Variants in XKR7 observed in about 807,000 individuals in gnomAD.
The protein encoded by XKR7 is XK-related protein 7.
In XKR7, 11 loss-of-function variants were observed where a neutral mutation model predicts 42.2. That is an observed-to-expected ratio of 0.26 (90% confidence interval 0.16 to 0.43). XKR7 has a LOEUF of 0.43. XKR7 is among the 20% of genes least tolerant of loss of function. The pLI is 1.00. For synonymous variants in XKR7, 346 were observed against 366.4 expected, an observed-to-expected ratio of 0.94 and a Z score of 0.64; for missense variants, 710 against 802.2, an observed-to-expected ratio of 0.89 and a Z score of 1.39.
intron 1 of XKR7, among the ~76,000 whole-genome samples, chr20:31,973,711 T>G (rs2064473876): frequency 6.7e-6 from 1 of 150,302 alleles, no homozygotes; most frequent in Non-Finnish European, 1.5e-5. Flanking sequence ...AGAAATAGAG[T>G]GAGGGGAGCA....
rs563306204 is a variant in XKR7 at position 31,999,829 on chromosome 20, C to T, written c.*2372C>T. On this transcript the variant is annotated 3_prime_UTR_variant, in exon 3 of 3. Transcript: ENST00000562532. ...GTCACCCTTGGCAAGTTATTCTCCT[C>T]CCCAGTATCCCAGAATGGCCCATCT... is the stretch of plus-strand genomic sequence containing the variant. 6.6e-6 allele frequency: 1 copy of T among 152,338 alleles called. No homozygotes were observed. The highest frequency in any genetic ancestry group is 2.1e-4 in the South Asian group (1 of 4,820). The allele number at this position is 152,338 out of a possible 1,614,324, so 9.4% of individuals were successfully genotyped here. A position where few individuals can be genotyped will look rare whatever the true frequency, so the allele number is the denominator to read the frequency against.
chr20:31,982,274 A>G (rs927047492), intron 1 of XKR7, among the ~76,000 whole-genome samples: 11 of 152,016 alleles, frequency 7.2e-5, no homozygotes, highest in Non-Finnish European at 1.6e-4. Flanking sequence ...TAATCCCAGT[A>G]GTTTGGGAGG....
intron 1 of XKR7, among the ~76,000 whole-genome samples, chr20:31,974,148 G>C (rs1054362212): frequency 6.6e-6 from 1 of 152,068 alleles, no homozygotes; most frequent in Non-Finnish European, 1.5e-5. Context: ...AGCCGAGAGT[G>C]AGCCACTGCA....
At chr20:31,983,164 C>T (rs1386744987) in intron 1 of XKR7, among the ~76,000 whole-genome samples, 1 of 152,210 alleles carries the variant, frequency 6.6e-6, no homozygotes, top group Non-Finnish European at 1.5e-5. Flanking sequence ...CATTCATTCA[C>T]TCACTCAACA....
Position 31,997,130 on chromosome 20 carries a change from T to TC in XKR7, c.1419dup (p.Arg474GlnfsTer10). 2 of 1,612,006 alleles carry TC rather than the reference T, an allele frequency of 1.2e-6. No homozygotes were observed. The highest frequency in any genetic ancestry group is 1.1e-5 in the South Asian group (1 of 91,058). ...GCCCACCCGCTGACGCCATCACGAG[T>TC]CCCCCCAGGTCCCTGCCAAGGACTA... On this transcript the variant is annotated frameshift_variant, in exon 3 of 3. Transcript: ENST00000562532. LOFTEE classifies it high-confidence loss of function.
At chr20:31,977,093 A>G (rs1278347637) in intron 1 of XKR7, among the ~76,000 whole-genome samples, 1 of 152,230 alleles carries the variant, frequency 6.6e-6, no homozygotes, top group Non-Finnish European at 1.5e-5. Context: ...CTACATCCAC[A>G]GCCTTTAAAA....
rs140827507 is a variant in XKR7 at position 31,999,916 on chromosome 20, A to G, written c.*2459A>G. 17 of 152,368 alleles carry G rather than the reference A, an allele frequency of 1.1e-4. No individual in the cohort carries two copies. Among genetic ancestry groups the G allele is most frequent in the African/African-American group, 4.1e-4 (17 of 41,554 alleles). 9.4% of individuals were successfully genotyped at this position (152,368 alleles called of 1,614,324 possible). ...TCCTTTACACTCCAGGAGACTCCCA[A>G]GGGGCAGGGATGTGCTGGCAGGGCT... On this transcript the variant is annotated 3_prime_UTR_variant, in exon 3 of 3. Coordinates refer to ENST00000562532, the MANE Select transcript of XKR7 (RefSeq NM_001011718.2).
At chr20:31,979,582 C>T (rs1444296754) in intron 1 of XKR7, among the ~76,000 whole-genome samples, 4 of 152,158 alleles carry the variant, frequency 2.6e-5, no homozygotes, top group Non-Finnish European at 5.9e-5. Flanking sequence ...GTAGACAGGC[C>T]ACATAGTTCC....
At chr20:31,994,963 C>A (rs987388118) in intron 1 of XKR7, 105 bp from the exon 2 acceptor site, 1 of 1,496,300 alleles carries the variant, frequency 6.7e-7, no homozygotes, top group Non-Finnish European at 8.8e-7. Context: ...ACAGGCTCAG[C>A]GTAGGGAGTG....
At chr20:31,996,456 C>T (rs749397315) in intron 2 of XKR7, 49 bp from the exon 3 acceptor site, 1 of 571,068 alleles carries the variant, frequency 1.8e-6, no homozygotes, top group Non-Finnish European at 2.7e-6. Flanking sequence ...GACCCCAACC[C>T]GAGCCCGCCC....
Position 31,968,608 on chromosome 20 carries a change from G to C in XKR7, c.433G>C (p.Ala145Pro), listed in dbSNP as rs769305423. ...GGAAISTKDS[A>P]GAFRTKEGSP... ...AGCCGCCATCAGCACCAAGGACAGC[G>C]CCGGCGCCTTCCGGACCAAAGAAGG... Residue 145 changes from alanine to proline, a missense_variant, in exon 1 of 3, where the codon GCC becomes CCC. Ala to Pro is a conservative substitution (Grantham distance 27, BLOSUM62 -1). Transcript: ENST00000562532. The surrounding 1 kb of genome is among the most constrained non-coding windows in gnomAD (Gnocchi z 4.5). 18 of 1,605,296 alleles carry C rather than the reference G, an allele frequency of 1.1e-5. No homozygotes were observed. The highest frequency in any genetic ancestry group is 3.4e-5 in the Admixed American group (2 of 59,442).
rs759520485 is a variant in XKR7 at position 32,001,976 on chromosome 20, T to C, written c.*4519T>C. The C allele has an allele frequency of 2.6e-5, 4 of 152,268 alleles. No homozygotes were observed. Among genetic ancestry groups the C allele is most frequent in the Admixed American group, 6.5e-5 (1 of 15,282 alleles). 9.4% of individuals were successfully genotyped at this position (152,268 alleles called of 1,614,324 possible). ...GGGGTTTGAGCCCCCTTCCCAACCA[T>C]AGAGGCTTCTGAGACCTGGGGCTGG... On this transcript the variant is annotated 3_prime_UTR_variant, in exon 3 of 3. Transcript: ENST00000562532.
Position 31,968,654 on chromosome 20 carries a change from A to C in XKR7, c.479A>C (p.Gln160Pro). 1.3e-6 allele frequency: 2 copies of C among 1,579,920 alleles called. No homozygotes were observed. The highest frequency in any genetic ancestry group is 1.7e-6 in the Non-Finnish European group (2 of 1,170,212). ...TKEGSPEPGP[Q>P]PAPSSASAYR... ...GAAGGCAGCCCCGAGCCGGGTCCCC[A>C]GCCTGCGCCCTCCTCGGCCAGCGCC... Residue 160 changes from glutamine to proline, a missense_variant, in exon 1 of 3, where the codon CAG (glutamine) becomes CCG (proline). Gln to Pro is a moderately conservative substitution (Grantham distance 76). Around this residue, in one of 2 missense-constraint regions of XKR7, gnomAD observed 708 missense variants for 786.2 expected, o/e 0.90. Transcript: ENST00000562532. This position sits in a 1 kb window ranked among gnomAD's most constrained non-coding sequence, Gnocchi z 4.5.
At chr20:31,993,411 C>T (rs2064578199) in intron 1 of XKR7, among the ~76,000 whole-genome samples, 1 of 152,126 alleles carries the variant, frequency 6.6e-6, no homozygotes, top group Non-Finnish European at 1.5e-5. Context: ...TCATTTAATC[C>T]TCACCGCCAC....
chr20:31,986,448 G>A (rs1481191992), intron 1 of XKR7, among the ~76,000 whole-genome samples: 7 of 103,270 alleles, frequency 6.8e-5, no homozygotes, highest in Admixed American at 1.1e-4. Context: ...AGACCACCAA[G>A]CACACCCAGC....
At chr20:31,971,660 G>A (rs545878505) in intron 1 of XKR7, among the ~76,000 whole-genome samples, 1 of 152,134 alleles carries the variant, frequency 6.6e-6, no homozygotes, top group Non-Finnish European at 1.5e-5. Context: ...GGGAGGCTAG[G>A]CAGTCACTCA....
In XKR7 at chr20:31,995,033, C is replaced by T; in HGVS notation, c.585-35C>T. Reference sequence around the variant, plus strand: ...GGTGCGACAGAGCGAGAGGAACCAGCGCGCGGGAGCCTGAGCACCGCGTCC... The same window carrying T: ...GGTGCGACAGAGCGAGAGGAACCAGTGCGCGGGAGCCTGAGCACCGCGTCC... On this transcript the variant is annotated intron_variant, in intron 1 of 2. Transcript: ENST00000562532. The surrounding 1 kb of genome is among the most constrained non-coding windows in gnomAD (Gnocchi z 4.1). 6.5e-7 allele frequency: 1 copy of T among 1,538,866 alleles called. No individual in the cohort carries two copies.
At position 31,997,584 on chromosome 20, in the gene XKR7, C is replaced by T. The variant is rs2064601586; in HGVS notation, c.*127C>T. Reference sequence around the variant, plus strand: ...TCTGTTGGTCCAAGGGTAGAGTGGCCCCACTCTTGGGTTCTTTCAGGGGAG... The same window carrying T: ...TCTGTTGGTCCAAGGGTAGAGTGGCTCCACTCTTGGGTTCTTTCAGGGGAG... On this transcript the variant is annotated 3_prime_UTR_variant, in exon 3 of 3. Transcript: ENST00000562532. 4.3e-6 allele frequency: 4 copies of T among 930,950 alleles called. No individual in the cohort carries two copies. Among genetic ancestry groups the T allele is most frequent in the East Asian group, 2.7e-5 (1 of 37,598 alleles). 57.7% of individuals were successfully genotyped at this position (930,950 alleles called of 1,614,324 possible). A position where few individuals can be genotyped will look rare whatever the true frequency, so the allele number is the denominator to read the frequency against.
At chr20:31,970,199 G>A (rs1477236514) in intron 1 of XKR7, 2 of 152,218 alleles carry the variant, frequency 1.3e-5, no homozygotes, top group Non-Finnish European at 2.9e-5. Flanking sequence ...CTGTGCCCGA[G>A]TGGACAGATG....
Sources: allele counts gnomAD v4.1 joint callset (sites outside exome capture counted in the v4.1 genomes callset), GRCh38; gene constraint gnomAD v4.1.1; regional missense constraint gnomAD v4.1.1; non-coding constraint Gnocchi (gnomAD v3.1); transcripts MANE v1.5; gene names NCBI Gene and HGNC (gene_info 2026-07-23, HGNC 2026-07-21).